CACNA1H: variants seen among roughly 807,000 people sequenced by gnomAD.
CACNA1H encodes the protein calcium voltage-gated channel subunit alpha1 H.
A neutral mutation model predicts 192.5 loss-of-function variants in CACNA1H; 149 were observed. The observed-to-expected ratio is 0.77, with a 90% CI of 0.68 to 0.89. CACNA1H has a LOEUF of 0.89. Ranked by LOEUF, CACNA1H falls within the 40% of genes least tolerant of loss-of-function variation. CACNA1H has a pLI of 0.00. For missense variants in CACNA1H, 4,257 were observed against 3,423.5 expected (o/e 1.24, Z -6.08); for synonymous variants, 2,202 against 1,475.2 (o/e 1.49, Z -11.29).
At chr16:1,211,430 T>C (rs1969435303) in intron 22 of CACNA1H, 51 bp from the exon 23 acceptor site, 4 of 1,610,242 alleles carry the variant, frequency 2.5e-6, no homozygotes, top group Non-Finnish European at 3.4e-6. Context: ...AAGTCCGGTG[T>C]GGGGTGGGGC....
intron 2 of CACNA1H, among the ~76,000 whole-genome samples, chr16:1,158,712 G>A (rs895695537): frequency 4.0e-4 from 61 of 152,166 alleles, no homozygotes; most frequent in African/African-American, 1.4e-3. Flanking sequence ...TTCTGCGGCC[G>A]GGGCTGCCGG....
At chr16:1,155,843 G>A (rs1962290441) in intron 2 of CACNA1H, among the ~76,000 whole-genome samples, 1 of 152,198 alleles carries the variant, frequency 6.6e-6, no homozygotes, top group South Asian at 2.1e-4. Context: ...GCTCTCCAGG[G>A]GGAGAGGAGG....
At position 1,211,730 on chromosome 16, in the gene CACNA1H, G is replaced by A; in HGVS notation, c.4491G>A (p.Leu1497=). 1.2e-6 allele frequency: 2 copies of A among 1,612,650 alleles called. No individual in the cohort carries two copies. Among genetic ancestry groups the A allele is most frequent in the South Asian group, 1.1e-5 (1 of 91,082 alleles). The change falls in exon 24 of 35, where the codon CTG becomes CTA. Residue 1497 remains leucine (L), a synonymous_variant. Transcript: ENST00000348261. ...FDNLGQALMS[L]FVLSSKDGWV... is the part of the protein sequence containing the mutation. Reference sequence around the variant, plus strand: ...CTGGCCCTCAGGCCCTGATGTCGCTGTTCGTGCTGTCATCCAAGGATGGAT... The same window carrying A: ...CTGGCCCTCAGGCCCTGATGTCGCTATTCGTGCTGTCATCCAAGGATGGAT...
At chr16:1,182,742 G>A (rs1483324021) in intron 2 of CACNA1H, among the ~76,000 whole-genome samples, 2 of 152,250 alleles carry the variant, frequency 1.3e-5, no homozygotes, top group South Asian at 2.1e-4. Flanking sequence ...CAGGACAGAG[G>A]CCAGGAGAGC....
chr16:1,213,895 C>T lies in CACNA1H; in HGVS notation c.4893C>T (p.Val1631=). The stretch of plus-strand genomic sequence containing the variant: ...TCACCTTCATCATCTGTGTCAACGT[C>T]ATCACCATGTCCATGGAGCACTATA... ...LFITFIICVN[V]ITMSMEHYNQ... The change falls in exon 27 of 35, where the codon GTC becomes GTT. Residue 1631 remains valine (V), a synonymous_variant. Coordinates refer to ENST00000348261, the MANE Select transcript of CACNA1H (RefSeq NM_021098.3). The T allele has an allele frequency of 6.2e-7, 1 of 1,612,062 alleles. No homozygotes were observed. Among genetic ancestry groups the T allele is most frequent in the Non-Finnish European group, 8.5e-7 (1 of 1,179,470 alleles).
chr16:1,200,670 A>G, intron 7 of CACNA1H, 46 bp from the exon 8 acceptor site: 1 of 1,571,930 alleles, frequency 6.4e-7, no homozygotes, highest in East Asian at 2.3e-5. Context: ...CACGGGGAGG[A>G]GGAGGAGGGG....
chr16:1,206,632 G>C, intron 12 of CACNA1H: 1 of 425,688 alleles, frequency 2.3e-6, no homozygotes, highest in East Asian at 4.5e-5. Flanking sequence ...CTAGCCTGGA[G>C]CTCAGGGTCA....
At chr16:1,161,681 G>A (rs1467565308) in intron 2 of CACNA1H, among the ~76,000 whole-genome samples, 3 of 152,190 alleles carry the variant, frequency 2.0e-5, no homozygotes, top group South Asian at 4.1e-4. Context: ...CTCCCAGCAG[G>A]CGGGTGAGAG....
At chr16:1,177,762 C>T (rs1370423220) in intron 2 of CACNA1H, among the ~76,000 whole-genome samples, 1 of 151,828 alleles carries the variant, frequency 6.6e-6, no homozygotes, top group African/African-American at 2.4e-5. Context: ...CTGCCTGTGT[C>T]CTCACCTGGT....
rs186292011 is a variant in CACNA1H at position 1,176,883 on chromosome 16, C to G, written c.300-18089C>G. Among the ~76,000 whole-genome samples, 3 of 152,258 alleles carry G rather than the reference C, an allele frequency of 2.0e-5. No individual in the cohort carries two copies. In the East Asian group the frequency reaches 5.8e-4, roughly 29 times the overall value. ...GGAGGGGGTCCTAAGGATGATGTGG[C>G]TTTCTGAGGGCTGAGTGTCTGCTAC... On this transcript the variant is annotated intron_variant, in intron 2 of 34. Transcript: ENST00000348261.
chr16:1,185,030 A>G (rs1965844984), intron 2 of CACNA1H, among the ~76,000 whole-genome samples: 1 of 152,162 alleles, frequency 6.6e-6, no homozygotes, highest in African/African-American at 2.4e-5. Context: ...CCGCATCCCC[A>G]TCAGCCCTCG....
chr16:1,162,033 G>A (rs537165811), intron 2 of CACNA1H, among the ~76,000 whole-genome samples: 315 of 152,296 alleles, frequency 2.1e-3, no homozygotes, highest in African/African-American at 6.5e-3. Flanking sequence ...TCCGGACCCT[G>A]TCGGGGTCGT....
At chr16:1,196,789 A>C (rs1272761850) in intron 5 of CACNA1H, among the ~76,000 whole-genome samples, 1 of 151,942 alleles carries the variant, frequency 6.6e-6, no homozygotes, top group Non-Finnish European at 1.5e-5. Context: ...ATCCTGTCAA[A>C]TCCGGGCCAC....
At chr16:1,179,438 C>T (rs930601380) in intron 2 of CACNA1H, among the ~76,000 whole-genome samples, 3 of 152,222 alleles carry the variant, frequency 2.0e-5, no homozygotes, top group East Asian at 3.9e-4. Context: ...GTGGCTGTTC[C>T]GTCCTCCTCA....
intron 12 of CACNA1H, 196 bp from the exon 13 acceptor site, chr16:1,206,802 CACT>C: frequency 1.8e-6 from 1 of 569,276 alleles, no homozygotes; most frequent in Non-Finnish European, 3.1e-6. Flanking sequence ...GTGGAATGGA[CACT>C]ACTGAGTTGT....
chr16:1,216,062 C>T (rs1397991056), intron 30 of CACNA1H, among the ~76,000 whole-genome samples: 1 of 152,198 alleles, frequency 6.6e-6, no homozygotes, highest in African/African-American at 2.4e-5. Context: ...AACACGTTGT[C>T]CCGTCCGTAG....
chr16:1,217,347 G>C (rs553686542), intron 31 of CACNA1H, among the ~76,000 whole-genome samples: 5 of 152,350 alleles, frequency 3.3e-5, no homozygotes, highest in Admixed American at 6.5e-5. Flanking sequence ...CATGCCCAAC[G>C]TCACATGGTC....
chr16:1,183,953 G>A (rs1474079451), intron 2 of CACNA1H, among the ~76,000 whole-genome samples: 4 of 152,220 alleles, frequency 2.6e-5, no homozygotes, highest in South Asian at 4.1e-4. Flanking sequence ...TGTCCATGCC[G>A]CCTGGGGAAG....
chr16:1,153,995 C>T lies in CACNA1H; in HGVS notation c.258C>T (p.Thr86=), dbSNP rs1465124202. The change falls in exon 2 of 35, where the codon ACC becomes ACT. Residue 86 remains threonine (T), a synonymous_variant. Transcript: ENST00000348261. ...CGGTCTTCTTCTGCCTCGGTCAGAC[C>T]ACGCGGCCGCGCAGCTGGTGCCTCC... is the stretch of plus-strand genomic sequence containing the variant. The part of the protein sequence containing the change: ...AATVFFCLGQ[T]TRPRSWCLRL... 7.0e-6 allele frequency: 10 copies of T among 1,431,906 alleles called. No individual in the cohort carries two copies. The highest frequency in any genetic ancestry group is 4.5e-5 in the African/African-American group (3 of 67,272). The allele number at this position is 1,431,906 out of a possible 1,614,324, so 88.7% of individuals were successfully genotyped here.
Sources: allele counts gnomAD v4.1 joint callset (sites outside exome capture counted in the v4.1 genomes callset), GRCh38; gene constraint gnomAD v4.1.1; transcripts MANE v1.5; gene names NCBI Gene and HGNC (gene_info 2026-07-23, HGNC 2026-07-21).